The following MIDEAS variants were observed in gnomAD, a reference collection of about 807,000 sequenced individuals.
The protein encoded by MIDEAS is mitotic deacetylase-associated SANT domain protein.
In MIDEAS, 26 loss-of-function variants were observed where a neutral mutation model predicts 102.7. That is an observed-to-expected ratio of 0.25 (90% CI 0.19 to 0.35). The LOEUF (loss-of-function observed/expected upper bound fraction) is 0.35, where lower values mean the gene tolerates loss of function less well. MIDEAS is among the 10% of genes least tolerant of loss of function. The probability of loss-of-function intolerance (pLI) is 1.00; values close to 1 mark genes in which losing one functional copy is unlikely to be tolerated. For synonymous variants in MIDEAS, 585 were observed against 591.0 expected (o/e 0.99, Z 0.15); for missense variants, 1,231 against 1,435.6 (o/e 0.86, Z 2.30).
rs751958957 is a variant in MIDEAS, at chr14:73,739,204, G to A, written c.805C>T (p.Pro269Ser). 119 of 1,613,624 alleles carry A rather than the reference G, an allele frequency of 7.4e-5. 2 individuals carry two copies. The South Asian group carries it at 1.2e-3, about 16-fold the overall frequency. Residue 269 changes from proline to serine, a missense_variant, in exon 2 of 13, where the codon CCG becomes TCG. Pro to Ser is a moderately conservative substitution (Grantham distance 74). Coordinates refer to ENST00000423556, the MANE Select transcript of MIDEAS (RefSeq NM_001367710.1). ...QQQQAALPQM[P>S]LFENFYSMPQ... ...ATGGAATAGAAGTTCTCAAAGAGCGGCATCTGGGGTAGGGCTGCCTGCTGC... is the reference window on the plus strand; with the variant it reads ...ATGGAATAGAAGTTCTCAAAGAGCGACATCTGGGGTAGGGCTGCCTGCTGC...
chr14:73,725,102 A>G lies in MIDEAS; in HGVS notation c.2574+170T>C. The G allele has an allele frequency of 1.6e-6, 1 of 619,062 alleles. No individual in the cohort carries two copies. Among genetic ancestry groups the G allele is most frequent in the Non-Finnish European group, 2.9e-6 (1 of 342,396 alleles). 38.3% of individuals were successfully genotyped at this position (619,062 alleles called of 1,614,324 possible). A position where few individuals can be genotyped will look rare whatever the true frequency, so the allele number is the denominator to read the frequency against. ...AAGGATGCTTAGAACCAAAAGGGAAAAGAGACCTATCTTTCTCTTTCTTGT... is the reference window on the plus strand; with the variant it reads ...AAGGATGCTTAGAACCAAAAGGGAAGAGAGACCTATCTTTCTCTTTCTTGT... On this transcript the variant is annotated intron_variant, in intron 9 of 12. Coordinates refer to ENST00000423556, the MANE Select transcript of MIDEAS (RefSeq NM_001367710.1). The surrounding 1 kb of genome is among the most constrained non-coding windows in gnomAD (Gnocchi z 4.1).
At chr14:73,723,835 T>C (rs1024462647) in intron 9 of MIDEAS, 2 of 152,220 alleles carry the variant, frequency 1.3e-5, no homozygotes, top group African/African-American at 4.8e-5. Flanking sequence ...CAGACGCTTT[T>C]CATTAATCCA....
At position 73,725,432 on chromosome 14, in the gene MIDEAS, CA is replaced by C. The variant is rs1411561461; in HGVS notation, c.2486-73del. On this transcript the variant is annotated intron_variant, in intron 8 of 12. Coordinates refer to ENST00000423556, the MANE Select transcript of MIDEAS (RefSeq NM_001367710.1). This position sits in a 1 kb window ranked among gnomAD's most constrained non-coding sequence, Gnocchi z 4.1. ...GCCACTGCAGGGCAATTTTGACAAG[CA>C]AAAAAGTGTGAGGCCATCCGCCCAT... is the stretch of plus-strand genomic sequence containing the variant. 7 of 1,304,214 alleles carry C rather than the reference CA, an allele frequency of 5.4e-6. No homozygotes were observed. 80.8% of individuals were successfully genotyped at this position (1,304,214 alleles called of 1,614,324 possible).
intron 1 of MIDEAS, among the ~76,000 whole-genome samples, chr14:73,746,442 C>G (rs1053429529): frequency 1.3e-5 from 2 of 152,206 alleles, no homozygotes; most frequent in Admixed American, 6.5e-5. Flanking sequence ...GGGATCCCAG[C>G]AGGAGTAGGG....
rs4899479 is a variant in MIDEAS, at chr14:73,742,757, G to A, written c.-247-2502C>T. ...GCTAAGGGTGCCAGGGGCACAGACA[G>A]TCAGGCCTGGGACCCTCAGAGAAGA... On this transcript the variant is annotated intron_variant, in intron 1 of 12. Coordinates refer to ENST00000423556, the MANE Select transcript of MIDEAS (RefSeq NM_001367710.1). The surrounding 1 kb of genome is among the most constrained non-coding windows in gnomAD (Gnocchi z 4.4). Among the ~76,000 whole-genome samples, 14,886 of 152,202 alleles carry A rather than the reference G, an allele frequency of 0.098. 953 individuals are homozygous for A. The highest frequency in any genetic ancestry group is 0.18 in the African/African-American group (7,277 of 41,518).
At chr14:73,737,376 C>A in intron 2 of MIDEAS, 79 bp from the exon 3 acceptor site, 1 of 1,454,172 alleles carries the variant, frequency 6.9e-7, no homozygotes, top group Non-Finnish European at 9.3e-7. Context: ...ATAATTCCTG[C>A]ACTTTGGGAG....
rs1362911224 is a variant in MIDEAS at position 73,776,939 on chromosome 14, C to T, written c.-248+10163G>A. Among the ~76,000 whole-genome samples, 5 of 151,884 alleles carry T rather than the reference C, an allele frequency of 3.3e-5. 1 individual carries two copies. The highest frequency in any genetic ancestry group is 3.9e-4 in the East Asian group (2 of 5,166). On this transcript the variant is annotated intron_variant, in intron 1 of 11. Coordinates refer to the MIDEAS transcript ENST00000394071. ...CACAAACATTAGCCTGGCGTGGTGG[C>T]GGGTGCCTGTAGTCCCAGCTACTCG... is the stretch of plus-strand genomic sequence containing the variant.
Position 73,739,918 on chromosome 14 carries a change from G to A in MIDEAS, c.91C>T (p.Pro31Ser), listed in dbSNP as rs769492838. 10 of 1,540,068 alleles carry A rather than the reference G, an allele frequency of 6.5e-6. No homozygotes were observed. The Admixed American group carries it at 1.8e-4, about 28-fold the overall frequency. The change falls in exon 2 of 13, where the codon CCC (proline) becomes TCC (serine). Residue 31 changes from proline (P) to serine (S), a missense_variant. By Grantham distance (74) the Pro-to-Ser change is moderately conservative. This residue lies in a region of MIDEAS where 758 missense variants were observed against 856.0 expected (regional missense o/e 0.89). Transcript: ENST00000423556. ...ATGGACTGCTGGGGGGGCTGCAGGG[G>A]AGGGGGCTGCTCCTTGGGAGCTGGT... ...QEPAPKEQPP[P>S]LQPPQQSIRV... is the part of the protein sequence containing the mutation.
At chr14:73,762,327 T>C (rs2053561089), upstream of MIDEAS, among the ~76,000 whole-genome samples, 3 of 151,420 alleles carry the variant, frequency 2.0e-5, no homozygotes, top group Admixed American at 2.0e-4. Context: ...TCCAAAGGAG[T>C]GGCCCAGGAA....
chr14:73,758,873 C>A (rs116655389), intron 1 of MIDEAS: 1 of 154,546 alleles, frequency 6.5e-6, no homozygotes, highest in African/African-American at 2.4e-5. Flanking sequence ...CTCCCCTAGA[C>A]CTTTACCCAG....
At chr14:73,755,355 A>G (rs1410128795) in intron 1 of MIDEAS, among the ~76,000 whole-genome samples, 1 of 152,126 alleles carries the variant, frequency 6.6e-6, no homozygotes, top group Non-Finnish European at 1.5e-5. Context: ...CTCCTCTGAC[A>G]GTGGCAACTT....
chr14:73,753,141 G>A (rs569224843), intron 1 of MIDEAS, among the ~76,000 whole-genome samples: 14 of 152,190 alleles, frequency 9.2e-5, no homozygotes, highest in African/African-American at 2.4e-4. Context: ...GTGCCTGGCC[G>A]AGCAGTCCCC....
At position 73,739,113 on chromosome 14, in the gene MIDEAS, G is replaced by T; in HGVS notation, c.896C>A (p.Ser299Tyr). Reference protein sequence around the residue: ...GLQPAGPLGQSHLAHHSMAPY... With the variant: ...GLQPAGPLGQYHLAHHSMAPY... Reference sequence around the variant, plus strand: ...TGCCATGCTGTGGTGAGCCAGGTGGGACTGTCCCAGTGGCCCAGCTGGCTG... The same window carrying T: ...TGCCATGCTGTGGTGAGCCAGGTGGTACTGTCCCAGTGGCCCAGCTGGCTG... The change falls in exon 2 of 13, where the codon TCC (serine) becomes TAC (tyrosine). Residue 299 changes from serine to tyrosine, a missense_variant. Physicochemically the swap from Ser to Tyr is moderately radical, Grantham distance 144 (BLOSUM62 -2). Coordinates refer to ENST00000423556, the MANE Select transcript of MIDEAS (RefSeq NM_001367710.1). 6.2e-7 allele frequency: 1 copy of T among 1,608,504 alleles called. No individual in the cohort carries two copies. Among genetic ancestry groups the T allele is most frequent in the Non-Finnish European group, 8.5e-7 (1 of 1,176,584 alleles).
In MIDEAS at chr14:73,740,102, G is replaced by C; in HGVS notation, c.-94C>G. ...TGCTGGAAGCCGGGCTCTAGTCCAG[G>C]AGCCAGGGAGGGCAGAGCAGGGGCA... On this transcript the variant is annotated 5_prime_UTR_variant, in exon 2 of 13. Transcript: ENST00000423556. 7.2e-7 allele frequency: 1 copy of C among 1,398,474 alleles called. No individual in the cohort carries two copies. The highest frequency in any genetic ancestry group is 9.3e-7 in the Non-Finnish European group (1 of 1,076,604). The allele number at this position is 1,398,474 out of a possible 1,614,324, so 86.6% of individuals were successfully genotyped here.
upstream of MIDEAS, among the ~76,000 whole-genome samples, chr14:73,788,326 C>T (rs1377728508): frequency 6.6e-6 from 1 of 152,208 alleles, no homozygotes; most frequent in East Asian, 1.9e-4. Flanking sequence ...TCTCCTAGCA[C>T]ATTGGCCAGA....
At position 73,715,272 on chromosome 14, in the gene MIDEAS, CTT is replaced by C. The variant is rs560410820; in HGVS notation, c.*3569_*3570del. 17 of 152,660 alleles carry C rather than the reference CTT, an allele frequency of 1.1e-4. No homozygotes were observed. The South Asian group carries it at 3.5e-3, about 32-fold the overall frequency. The allele number at this position is 152,660 out of a possible 1,614,324, so 9.5% of individuals were successfully genotyped here. A position where few individuals can be genotyped will look rare whatever the true frequency, so the allele number is the denominator to read the frequency against. The stretch of plus-strand genomic sequence containing the variant: ...ATAAAAAGCACACAAAAAATAAAAT[CTT>C]CAGTCTCTATCACAACTGTACAGCA... On this transcript the variant is annotated 3_prime_UTR_variant, in exon 13 of 13. Transcript: ENST00000423556.
At chr14:73,748,651 C>T (rs1046032002) in intron 1 of MIDEAS, among the ~76,000 whole-genome samples, 26 of 151,838 alleles carry the variant, frequency 1.7e-4, no homozygotes, top group African/African-American at 5.1e-4. Context: ...CACCTGTAAT[C>T]GCAGCTACTC....
At chr14:73,782,292 T>A (rs1224499857) in intron 1 of MIDEAS, among the ~76,000 whole-genome samples, 1 of 151,966 alleles carries the variant, frequency 6.6e-6, no homozygotes, top group African/African-American at 2.4e-5. Flanking sequence ...TTTTGTAAGT[T>A]CAACACCTAT....
intron 1 of MIDEAS, among the ~76,000 whole-genome samples, chr14:73,755,180 C>T (rs535744817): frequency 2.0e-5 from 3 of 152,276 alleles, no homozygotes; most frequent in Admixed American, 6.5e-5. Context: ...GGCCACAGCA[C>T]GAGGCTGTGT....
Sources: allele counts gnomAD v4.1 joint callset (sites outside exome capture counted in the v4.1 genomes callset), GRCh38; gene constraint gnomAD v4.1.1; regional missense constraint gnomAD v4.1.1; non-coding constraint Gnocchi (gnomAD v3.1); transcripts MANE v1.5; gene names NCBI Gene and HGNC (gene_info 2026-07-23, HGNC 2026-07-21).